IQCM: variants seen among roughly 807,000 people sequenced by gnomAD.
IQCM encodes IQ motif containing M, also known as IQ domain-containing protein M.
In IQCM, 45 loss-of-function variants were observed where a neutral mutation model predicts 57.6. That is an observed-to-expected ratio of 0.78 (90% CI 0.62 to 1.00). The LOEUF is 1.00. Among genes scored for constraint, IQCM ranks in the 50% least tolerant of loss-of-function variants. The pLI, the probability that IQCM is intolerant of heterozygous loss-of-function variation, is 0.00. For synonymous variants in IQCM, 148 were observed against 158.9 expected, an observed-to-expected ratio of 0.93 and a Z score of 0.51; for missense variants, 468 against 511.6, an observed-to-expected ratio of 0.91 and a Z score of 0.82.
intron 13 of IQCM, among the ~76,000 whole-genome samples, chr4:149,375,580 C>T (rs1463548963): frequency 6.6e-6 from 1 of 152,132 alleles, no homozygotes; most frequent in African/African-American, 2.4e-5. Context: ...AAAAATTAAT[C>T]AGGTTAATAC....
chr4:149,568,929 C>T (rs1031193412), intron 9 of IQCM, among the ~76,000 whole-genome samples: 6 of 152,136 alleles, frequency 3.9e-5, no homozygotes, highest in Admixed American at 1.3e-4. Flanking sequence ...GTCTATTCAC[C>T]TACTCTAGGA....
intron 12 of IQCM, among the ~76,000 whole-genome samples, chr4:149,489,578 G>T (rs1741869999): frequency 6.6e-6 from 1 of 151,936 alleles, no homozygotes; most frequent in East Asian, 1.9e-4. Flanking sequence ...GATAATGAAT[G>T]CAATCTCACA....
At chr4:149,809,691 T>A (rs1429204489) in intron 2 of IQCM, among the ~76,000 whole-genome samples, 1 of 152,186 alleles carries the variant, frequency 6.6e-6, no homozygotes. Context: ...CATTAGGATG[T>A]GCTCTGGTCC....
chr4:149,676,228 C>A (rs1472885774), intron 7 of IQCM, among the ~76,000 whole-genome samples: 114 of 152,060 alleles, frequency 7.5e-4, no homozygotes, highest in Non-Finnish European at 2.9e-5. Context: ...GCAGACTCCA[C>A]GAAGGGCTAC....
intron 6 of IQCM, among the ~76,000 whole-genome samples, chr4:149,683,845 A>G (rs1459880927): frequency 2.0e-5 from 3 of 151,294 alleles, no homozygotes; most frequent in Non-Finnish European, 4.4e-5. Context: ...GCTTCACACA[A>G]ATGTGAAATG....
At chr4:149,398,320 T>A (rs1488423395) in intron 13 of IQCM, among the ~76,000 whole-genome samples, 2 of 152,084 alleles carry the variant, frequency 1.3e-5, no homozygotes, top group African/African-American at 4.8e-5. Flanking sequence ...CTAGATTTCT[T>A]TCTCAAGATT....
intron 8 of IQCM, among the ~76,000 whole-genome samples, chr4:149,592,533 A>G (rs1753300974): frequency 6.6e-6 from 1 of 151,950 alleles, no homozygotes; most frequent in Admixed American, 6.6e-5. Context: ...GTCCTTGCCC[A>G]TGCCTATGTC....
chr4:149,498,609 C>A (rs753956497), intron 12 of IQCM, among the ~76,000 whole-genome samples: 6 of 152,088 alleles, frequency 3.9e-5, no homozygotes, highest in Non-Finnish European at 8.8e-5. Context: ...CAGGAAACCG[C>A]AGTAGGGAGG....
At chr4:149,683,623 T>C (rs1387940862) in intron 6 of IQCM, among the ~76,000 whole-genome samples, 1 of 151,316 alleles carries the variant, frequency 6.6e-6, no homozygotes, top group African/African-American at 2.4e-5. Flanking sequence ...AACGTTTTTA[T>C]ATATCACCAA....
chr4:149,610,057 G>A (rs1481091793), intron 8 of IQCM, among the ~76,000 whole-genome samples: 10 of 151,670 alleles, frequency 6.6e-5, no homozygotes, highest in Non-Finnish European at 8.9e-5. Flanking sequence ...ATCAACTTAC[G>A]AAAATCAGTA....
At chr4:149,738,846 C>A (rs973882549) in intron 3 of IQCM, among the ~76,000 whole-genome samples, 1 of 152,170 alleles carries the variant, frequency 6.6e-6, no homozygotes, top group African/African-American at 2.4e-5. Flanking sequence ...GAGTGAAATT[C>A]ACAAGATAGC....
chr4:149,662,842 T>C (rs1408725196), intron 7 of IQCM, among the ~76,000 whole-genome samples: 1 of 152,036 alleles, frequency 6.6e-6, no homozygotes, highest in Non-Finnish European at 1.5e-5. Context: ...TTGGGTCTTG[T>C]TTTTATGTCC....
At chr4:149,426,740 T>A (rs1284888066) in intron 13 of IQCM, among the ~76,000 whole-genome samples, 2 of 151,992 alleles carry the variant, frequency 1.3e-5, no homozygotes, top group Admixed American at 1.3e-4. Flanking sequence ...GGCAGCTAGC[T>A]TTCCTCAGAG....
At chr4:149,371,609 G>T (rs1038750657) in intron 13 of IQCM, among the ~76,000 whole-genome samples, 5 of 152,034 alleles carry the variant, frequency 3.3e-5, no homozygotes, top group African/African-American at 1.2e-4. Context: ...TATGGACCTC[G>T]GATTTTGCGA....
At chr4:149,465,904 C>T (rs1380227270) in intron 12 of IQCM, among the ~76,000 whole-genome samples, 1 of 151,974 alleles carries the variant, frequency 6.6e-6, no homozygotes, top group African/African-American at 2.4e-5. Flanking sequence ...TCACCAGTTT[C>T]CATGAAATCA....
chr4:149,431,967 G>A (rs542533055), intron 13 of IQCM, among the ~76,000 whole-genome samples: 25 of 150,486 alleles, frequency 1.7e-4, no homozygotes, highest in Non-Finnish European at 2.4e-4. Context: ...GTGTGTGTAC[G>A]TATATATGTT....
chr4:149,423,560 G>C (rs150817105), intron 13 of IQCM, among the ~76,000 whole-genome samples: 2 of 152,132 alleles, frequency 1.3e-5, no homozygotes, highest in East Asian at 3.9e-4. Context: ...CAGCCTCCAT[G>C]CTCCTCTCCC....
chr4:149,718,248 C>T (rs1383005828), intron 5 of IQCM, among the ~76,000 whole-genome samples: 6 of 152,146 alleles, frequency 3.9e-5, no homozygotes, highest in African/African-American at 1.4e-4. Context: ...TCAAGTGGTT[C>T]CAAACTCAGA....
chr4:149,714,675 G>A (rs1047132712), intron 5 of IQCM, among the ~76,000 whole-genome samples: 1 of 152,136 alleles, frequency 6.6e-6, no homozygotes, highest in Non-Finnish European at 1.5e-5. Context: ...CACAGTAAAA[G>A]ATTAACAACA....
Sources: gnomAD v4.1 joint callset for allele counts (sites outside exome capture counted in the v4.1 genomes callset) on GRCh38, gnomAD v4.1.1 for gene constraint, MANE v1.5 for transcripts, NCBI Gene and HGNC (gene_info 2026-07-23, HGNC 2026-07-21) for gene names.